Variants in COL5A2 observed in about 807,000 individuals in gnomAD.
COL5A2 encodes the protein collagen alpha-2(V) chain.
COL5A2 carries 23 observed loss-of-function variants against 208.2 expected under a neutral mutation model. The ratio of observed to expected loss-of-function variants is 0.11; its 90% confidence interval spans 0.08 to 0.16. COL5A2 has a LOEUF of 0.16. Ranked by LOEUF, COL5A2 falls within the 10% of genes least tolerant of loss-of-function variation. The probability of loss-of-function intolerance (pLI) is 1.00; values close to 1 mark genes in which losing one functional copy is unlikely to be tolerated. For missense variants in COL5A2, 1,590 were observed against 1,956.4 expected, an observed-to-expected ratio of 0.81 and a Z score of 3.53; for synonymous variants, 625 against 628.5, an observed-to-expected ratio of 0.99 and a Z score of 0.08.
the COL5A2 span, among the ~76,000 whole-genome samples, chr2:189,319,274 T>A: frequency 1.4e-4 from 21 of 152,356 alleles, no homozygotes; most frequent in African/African-American, 5.1e-4. Context: ...CATTTCCAAC[T>A]TAGGTACTGG....
At position 189,110,478 on chromosome 2, in the gene COL5A2, G is replaced by C. The variant is rs183249067; in HGVS notation, c.98-29C>G. The C allele has an allele frequency of 6.3e-6, 10 of 1,587,160 alleles. No homozygotes were observed. The East Asian group carries it at 1.1e-4, about 18-fold the overall frequency. ...AAATAAGAAAAGAAAGAAGAGGTTA[G>C]TAATCTGAAATTATAGAATTGAGAA... is the stretch of plus-strand genomic sequence containing the variant. On this transcript the variant is annotated intron_variant, in intron 1 of 53. Transcript: ENST00000374866.
intron 1 of COL5A2, among the ~76,000 whole-genome samples, chr2:189,152,741 C>G (rs1688169429): frequency 6.6e-6 from 1 of 152,072 alleles, no homozygotes; most frequent in Non-Finnish European, 1.5e-5. Flanking sequence ...ATCTCTTTTT[C>G]AGAAATGAGC....
At chr2:189,431,590 G>T in the COL5A2 span, among the ~76,000 whole-genome samples, 2 of 152,158 alleles carry the variant, frequency 1.3e-5, no homozygotes, top group African/African-American at 4.8e-5. Flanking sequence ...GGAAGAAAGG[G>T]TATCAGTGAT....
At chr2:189,191,989 A>C (rs1356162) in intron 1 of COL5A2, among the ~76,000 whole-genome samples, 88,731 of 151,916 alleles carry the variant, frequency 0.58, 27,285 homozygotes, top group East Asian at 0.72. Flanking sequence ...TCAAGAAGAA[A>C]TGTGGATGAA....
chr2:189,350,086 C>T, the COL5A2 span, among the ~76,000 whole-genome samples: 1 of 151,736 alleles, frequency 6.6e-6, no homozygotes, highest in Non-Finnish European at 1.5e-5. Flanking sequence ...CAGCAGTCAC[C>T]AAGAATATAT....
chr2:189,386,235 C>T, the COL5A2 span, among the ~76,000 whole-genome samples: 1 of 152,140 alleles, frequency 6.6e-6, no homozygotes, highest in African/African-American at 2.4e-5. Flanking sequence ...AAAAAGACCC[C>T]CTAATCAATA....
intron 17 of COL5A2, among the ~76,000 whole-genome samples, chr2:189,072,711 G>T (rs1404036616): frequency 7.3e-6 from 1 of 137,548 alleles, no homozygotes; most frequent in Non-Finnish European, 1.5e-5. Context: ...GGTGGAGGTT[G>T]TAGTGAGCTG....
chr2:189,288,355 A>G, the COL5A2 span, among the ~76,000 whole-genome samples: 1 of 152,228 alleles, frequency 6.6e-6, no homozygotes, highest in Non-Finnish European at 1.5e-5. Context: ...TTGAAAGTAA[A>G]GAATGATGTA....
At chr2:189,243,072 T>C in the COL5A2 span, among the ~76,000 whole-genome samples, 3 of 151,956 alleles carry the variant, frequency 2.0e-5, no homozygotes, top group African/African-American at 4.8e-5. Flanking sequence ...ATATCACCAC[T>C]TAGGAAGGGA....
chr2:189,339,325 T>C, the COL5A2 span, among the ~76,000 whole-genome samples: 1 of 147,618 alleles, frequency 6.8e-6, no homozygotes, highest in African/African-American at 2.5e-5. Context: ...CACTCCAGCC[T>C]ATACAACAGA....
the COL5A2 span, among the ~76,000 whole-genome samples, chr2:189,399,872 G>A: frequency 1.3e-5 from 2 of 151,808 alleles, no homozygotes; most frequent in African/African-American, 4.8e-5. Context: ...GCTAATTTTT[G>A]TATTTTTTTG....
chr2:189,403,216 G>A, the COL5A2 span, among the ~76,000 whole-genome samples: 2 of 152,154 alleles, frequency 1.3e-5, no homozygotes, highest in African/African-American at 4.8e-5. Context: ...TGGCTTGCCT[G>A]TTATTGGTGT....
the COL5A2 span, among the ~76,000 whole-genome samples, chr2:189,374,103 TA>T: frequency 2.0e-5 from 3 of 152,092 alleles, no homozygotes; most frequent in African/African-American, 7.2e-5. Flanking sequence ...AAAGCAGCCA[TA>T]AAACACAGTG....
intron 33 of COL5A2, 73 bp from the exon 34 acceptor site, chr2:189,057,500 G>T: frequency 9.3e-7 from 1 of 1,079,236 alleles, no homozygotes; most frequent in Non-Finnish European, 1.4e-6. Context: ...TTTTTAGTGG[G>T]TCAAAAGTAG....
intron 1 of COL5A2, among the ~76,000 whole-genome samples, chr2:189,111,129 A>T (rs1032097666): frequency 6.6e-6 from 1 of 152,082 alleles, no homozygotes. Context: ...ATTAAGGAAA[A>T]CCATAGCCAA....
intron 3 of COL5A2, among the ~76,000 whole-genome samples, chr2:189,103,009 A>G (rs781758739): frequency 6.6e-6 from 1 of 152,088 alleles, no homozygotes; most frequent in African/African-American, 2.4e-5. Flanking sequence ...CCTACCAGTT[A>G]TCTCTCTAAG....
At chr2:189,064,863 A>G in intron 24 of COL5A2, 141 bp downstream of exon 24, 1 of 910,408 alleles carries the variant, frequency 1.1e-6, no homozygotes, top group Admixed American at 2.0e-5. Context: ...ACAAGAGAGG[A>G]TTGGGGTTAG....
At chr2:189,148,558 T>C (rs992019707) in intron 1 of COL5A2, among the ~76,000 whole-genome samples, 8 of 152,032 alleles carry the variant, frequency 5.3e-5, no homozygotes, top group East Asian at 1.9e-4. Flanking sequence ...AAAAAGAGGA[T>C]TAAGAAGAGA....
At chr2:189,038,939 T>C (rs2153506445) in intron 51 of COL5A2, among the ~76,000 whole-genome samples, 1 of 152,196 alleles carries the variant, frequency 6.6e-6, no homozygotes, top group East Asian at 1.9e-4. Flanking sequence ...TTAGCCCACC[T>C]CGGCCTCCCA....
Sources: allele counts gnomAD v4.1 joint callset (sites outside exome capture counted in the v4.1 genomes callset), GRCh38; gene constraint gnomAD v4.1.1; transcripts MANE v1.5; gene names NCBI Gene and HGNC (gene_info 2026-07-23, HGNC 2026-07-21).